The following ROBO1 variants were observed in gnomAD, a reference collection of about 807,000 sequenced individuals.
ROBO1 encodes the protein roundabout homolog 1.
ROBO1 carries 149 observed loss-of-function variants against 195.9 expected under a neutral mutation model. That is an observed-to-expected ratio of 0.76 (90% confidence interval 0.67 to 0.87). ROBO1 has a LOEUF of 0.87. Among genes scored for constraint, ROBO1 ranks in the 40% least tolerant of loss-of-function variants. The probability of loss-of-function intolerance (pLI) is 0.00; values close to 1 mark genes in which losing one functional copy is unlikely to be tolerated. For missense variants in ROBO1, 1,933 were observed against 2,068.3 expected (o/e 0.93, Z 1.27); for synonymous variants, 816 against 733.2 (o/e 1.11, Z -1.82).
At chr3:79,089,059 C>T (rs1396602543) in intron 3 of ROBO1, among the ~76,000 whole-genome samples, 1 of 152,018 alleles carries the variant, frequency 6.6e-6, no homozygotes, top group African/African-American at 2.4e-5. Flanking sequence ...TTATTTTTAA[C>T]ATACTTAGTT....
chr3:79,097,529 A>G (rs2079592870), intron 3 of ROBO1, among the ~76,000 whole-genome samples: 1 of 151,844 alleles, frequency 6.6e-6, no homozygotes, highest in Non-Finnish European at 1.5e-5. Flanking sequence ...ATGGAAAACT[A>G]AATTTATTTG....
intron 2 of ROBO1, among the ~76,000 whole-genome samples, chr3:79,241,424 A>T (rs1286611245): frequency 2.0e-5 from 3 of 152,140 alleles, no homozygotes; most frequent in African/African-American, 7.2e-5. Context: ...ATTTATATTC[A>T]AAAGAAAAAA....
intron 19 of ROBO1, 146 bp from the exon 20 acceptor site, chr3:78,647,801 T>A: frequency 1.3e-6 from 1 of 753,722 alleles, no homozygotes; most frequent in Non-Finnish European, 2.3e-6. Flanking sequence ...GATCTATGAA[T>A]AAAACCAATT....
chr3:79,492,479 T>G (rs1939518353), intron 2 of ROBO1, among the ~76,000 whole-genome samples: 1 of 151,144 alleles, frequency 6.6e-6, no homozygotes, highest in South Asian at 2.1e-4. Context: ...AATTATATAT[T>G]TTAAATTATG....
chr3:79,560,556 T>TACAC (rs1553764944), intron 2 of ROBO1, among the ~76,000 whole-genome samples: 11 of 119,834 alleles, frequency 9.2e-5, no homozygotes, highest in African/African-American at 1.9e-4. Flanking sequence ...TATATATATA[T>TACAC]ATACACATAC....
intron 4 of ROBO1, among the ~76,000 whole-genome samples, chr3:78,892,203 T>C (rs2036945272): frequency 6.6e-6 from 1 of 152,104 alleles, no homozygotes; most frequent in Non-Finnish European, 1.5e-5. Context: ...CTACAAAAAA[T>C]ACAAAAATTA....
At chr3:79,391,564 C>A (rs2036952191) in intron 2 of ROBO1, among the ~76,000 whole-genome samples, 1 of 152,184 alleles carries the variant, frequency 6.6e-6, no homozygotes, top group South Asian at 2.1e-4. Context: ...CCAACACTAT[C>A]TTTTATCTCA....
chr3:78,912,651 C>T lies in ROBO1; in HGVS notation c.499+25950G>A, dbSNP rs139602272. 6.8e-3 allele frequency among the ~76,000 whole-genome samples: 1,035 copies of T among 152,152 alleles called. 6 individuals are homozygous for T. Among genetic ancestry groups the T allele is most frequent in the Middle Eastern group, 0.02 (6 of 294 alleles). ...CAAGCTATAGTATTTGTGATAATATCATCAATTTTAGCTAAATAGTGAAGC... is the reference window on the plus strand; with the variant it reads ...CAAGCTATAGTATTTGTGATAATATTATCAATTTTAGCTAAATAGTGAAGC... On this transcript the variant is annotated intron_variant, in intron 4 of 30. Coordinates refer to ENST00000464233, the MANE Select transcript of ROBO1 (RefSeq NM_002941.4).
At chr3:78,777,507 T>G (rs1240056705) in intron 4 of ROBO1, among the ~76,000 whole-genome samples, 1 of 152,216 alleles carries the variant, frequency 6.6e-6, no homozygotes, top group Non-Finnish European at 1.5e-5. Flanking sequence ...AGATATAATG[T>G]AAACCAGCAT....
At chr3:78,779,143 C>T (rs1369099371) in intron 4 of ROBO1, among the ~76,000 whole-genome samples, 2 of 151,998 alleles carry the variant, frequency 1.3e-5, no homozygotes, top group African/African-American at 4.8e-5. Context: ...AACCTAAAAC[C>T]ATAAAAACCC....
chr3:78,820,246 G>T (rs1035145348), intron 4 of ROBO1, among the ~76,000 whole-genome samples: 1 of 152,098 alleles, frequency 6.6e-6, no homozygotes, highest in African/African-American at 2.4e-5. Context: ...GTTTTTGATG[G>T]TTTTAATTTT....
chr3:79,442,720 T>TTTGA (rs1318401253), intron 2 of ROBO1, among the ~76,000 whole-genome samples: 3 of 152,128 alleles, frequency 2.0e-5, no homozygotes, highest in Admixed American at 2.0e-4. Flanking sequence ...GGAACCAACT[T>TTTGA]TTGATACAAA....
intron 2 of ROBO1, among the ~76,000 whole-genome samples, chr3:79,169,493 G>C (rs1158782776): frequency 6.6e-6 from 1 of 152,052 alleles, no homozygotes; most frequent in Non-Finnish European, 1.5e-5. Context: ...AAGGGCAGAA[G>C]AATTTTCAAA....
intron 19 of ROBO1, 57 bp from the exon 20 acceptor site, chr3:78,647,712 A>T (rs575023149): frequency 7.3e-7 from 1 of 1,366,612 alleles, no homozygotes; most frequent in Non-Finnish European, 1.0e-6. Context: ...GAAAGGGAAC[A>T]TATCACATTA....
chr3:78,677,525 T>C (rs1412882054), intron 10 of ROBO1, among the ~76,000 whole-genome samples: 2 of 151,894 alleles, frequency 1.3e-5, no homozygotes, highest in Admixed American at 6.6e-5. Flanking sequence ...GTTGCAATCC[T>C]AGTCTCTGAT....
At chr3:79,080,020 A>C (rs939377158) in intron 3 of ROBO1, among the ~76,000 whole-genome samples, 2 of 151,804 alleles carry the variant, frequency 1.3e-5, no homozygotes, top group African/African-American at 2.4e-5. Context: ...TCTTGTTTCA[A>C]AAGTTTATAT....
At chr3:79,179,783 A>T (rs369198083) in intron 2 of ROBO1, among the ~76,000 whole-genome samples, 1 of 152,352 alleles carries the variant, frequency 6.6e-6, no homozygotes, top group South Asian at 2.1e-4. Context: ...GGGAAACATT[A>T]AGAGTAAACT....
At chr3:79,485,736 C>T (rs775480449) in intron 2 of ROBO1, among the ~76,000 whole-genome samples, 5 of 152,232 alleles carry the variant, frequency 3.3e-5, no homozygotes, top group East Asian at 1.9e-4. Flanking sequence ...ACTGCCACCA[C>T]ATATTGTCAA....
intron 2 of ROBO1, among the ~76,000 whole-genome samples, chr3:79,298,260 T>C (rs1320102593): frequency 2.0e-5 from 3 of 152,094 alleles, no homozygotes; most frequent in Admixed American, 2.0e-4. Context: ...ATTGGCAACA[T>C]ACGAACAAAA....
Sources: allele counts gnomAD v4.1 joint callset (sites outside exome capture counted in the v4.1 genomes callset), GRCh38; gene constraint gnomAD v4.1.1; transcripts MANE v1.5; gene names NCBI Gene and HGNC (gene_info 2026-07-23, HGNC 2026-07-21).